The following CSMD3 variants were observed in gnomAD, a reference collection of about 807,000 sequenced individuals.
CSMD3 encodes the protein CUB and sushi domain-containing protein 3.
CSMD3 carries 177 observed loss-of-function variants against 435.2 expected under a neutral mutation model. That is an observed-to-expected ratio of 0.41 (90% CI 0.36 to 0.46). The LOEUF is 0.46. CSMD3 is among the 20% of genes least tolerant of loss of function. The pLI, the probability that CSMD3 is intolerant of heterozygous loss-of-function variation, is 0.34. For missense variants in CSMD3, 4,265 were observed against 4,504.6 expected, an observed-to-expected ratio of 0.95 and a Z score of 1.52; for synonymous variants, 1,656 against 1,520.5, an observed-to-expected ratio of 1.09 and a Z score of -2.07.
chr8:113,001,283 T>TCACG (rs1053771744), intron 6 of CSMD3, among the ~76,000 whole-genome samples: 34 of 152,192 alleles, frequency 2.2e-4, no homozygotes, highest in African/African-American at 8.2e-4. Flanking sequence ...GTCTTCCTTA[T>TCACG]CACGGCCTGA....
At chr8:113,286,326 CAATT>C (rs1205565572) in intron 2 of CSMD3, among the ~76,000 whole-genome samples, 2 of 152,008 alleles carry the variant, frequency 1.3e-5, no homozygotes, top group African/African-American at 4.8e-5. Flanking sequence ...GAGAATTAAA[CAATT>C]AACTTACAAC....
intron 35 of CSMD3, among the ~76,000 whole-genome samples, chr8:112,398,003 C>T (rs138392043): frequency 1.8e-3 from 273 of 152,194 alleles, no homozygotes; most frequent in African/African-American, 5.9e-3. Context: ...AACTCACCTC[C>T]GGCTATGAGT....
At chr8:113,174,921 G>T (rs931713288) in intron 3 of CSMD3, among the ~76,000 whole-genome samples, 16 of 151,848 alleles carry the variant, frequency 1.1e-4, no homozygotes, top group African/African-American at 3.9e-4. Flanking sequence ...TCCATAAGTA[G>T]TTATATCAAG....
At chr8:112,659,914 ATT>A (rs1456008384) in intron 17 of CSMD3, among the ~76,000 whole-genome samples, 3 of 152,162 alleles carry the variant, frequency 2.0e-5, no homozygotes, top group African/African-American at 7.2e-5. Context: ...CTGTAGGTTA[ATT>A]CTAATCATTT....
chr8:112,581,983 C>T (rs1223458908), intron 23 of CSMD3, among the ~76,000 whole-genome samples: 3 of 152,088 alleles, frequency 2.0e-5, no homozygotes, highest in Middle Eastern at 3.4e-3. Context: ...CCTGAGCAAA[C>T]GGCTTGGTGT....
chr8:112,942,698 T>C (rs1239285936), intron 9 of CSMD3, among the ~76,000 whole-genome samples: 1 of 151,592 alleles, frequency 6.6e-6, no homozygotes, highest in Non-Finnish European at 1.5e-5. Context: ...AAACAGTCAC[T>C]GGGGCCTACT....
At chr8:112,556,626 A>G in intron 25 of CSMD3, 137 bp downstream of exon 25, 1 of 654,474 alleles carries the variant, frequency 1.5e-6, no homozygotes, top group South Asian at 2.0e-5. Flanking sequence ...TCTTTTGACA[A>G]ATTCAAGCTA....
chr8:112,952,598 T>A (rs189264649), intron 8 of CSMD3, among the ~76,000 whole-genome samples: 350 of 151,590 alleles, frequency 2.3e-3, no homozygotes, highest in African/African-American at 8.1e-3. Context: ...ATTAAATACT[T>A]TAGAAACAAA....
intron 2 of CSMD3, among the ~76,000 whole-genome samples, chr8:113,291,360 T>C (rs1472875732): frequency 6.6e-6 from 1 of 151,836 alleles, no homozygotes; most frequent in Non-Finnish European, 1.5e-5. Context: ...CATTTAACAT[T>C]TTCATGATAA....
chr8:112,829,281 A>T (rs2079793086), intron 12 of CSMD3, among the ~76,000 whole-genome samples: 1 of 152,244 alleles, frequency 6.6e-6, no homozygotes, highest in African/African-American at 2.4e-5. Flanking sequence ...AAAAATCTAC[A>T]TTTTCAAATG....
chr8:113,075,934 A>C (rs527400096), intron 5 of CSMD3, among the ~76,000 whole-genome samples: 1 of 151,984 alleles, frequency 6.6e-6, no homozygotes, highest in South Asian at 2.1e-4. Context: ...CCACTTAGTC[A>C]AAGATAATTT....
chr8:112,522,641 T>C (rs1824417926), intron 27 of CSMD3, among the ~76,000 whole-genome samples: 1 of 151,970 alleles, frequency 6.6e-6, no homozygotes, highest in African/African-American at 2.4e-5. Context: ...ATTTATAATA[T>C]GATATTATTT....
At chr8:113,404,913 T>C (rs1362179097) in intron 1 of CSMD3, among the ~76,000 whole-genome samples, 1 of 151,484 alleles carries the variant, frequency 6.6e-6, no homozygotes, top group African/African-American at 2.4e-5. Flanking sequence ...ATTATGTATG[T>C]GTTATGTGCA....
At chr8:112,364,058 A>G (rs1169019569) in intron 38 of CSMD3, among the ~76,000 whole-genome samples, 1 of 152,014 alleles carries the variant, frequency 6.6e-6, no homozygotes. Flanking sequence ...TAGTGATTAT[A>G]AAAGTAAACT....
intron 69 of CSMD3, 65 bp from the exon 70 acceptor site, chr8:112,228,956 G>A (rs1812830964): frequency 1.1e-6 from 1 of 888,510 alleles, no homozygotes. Context: ...CTACTCCCAT[G>A]AATCAATTAA....
chr8:112,262,267 C>T (rs1816487684), intron 61 of CSMD3, among the ~76,000 whole-genome samples: 1 of 152,088 alleles, frequency 6.6e-6, no homozygotes, highest in South Asian at 2.1e-4. Context: ...TAATATATCA[C>T]ATATGTATAA....
At chr8:112,898,714 G>A (rs1176170826) in intron 10 of CSMD3, among the ~76,000 whole-genome samples, 1 of 151,120 alleles carries the variant, frequency 6.6e-6, no homozygotes. Context: ...ACACCAACAT[G>A]TATTTTCATA....
At chr8:113,276,803 C>T (rs1234343065) in intron 3 of CSMD3, among the ~76,000 whole-genome samples, 2 of 151,972 alleles carry the variant, frequency 1.3e-5, no homozygotes, top group Admixed American at 6.6e-5. Context: ...GATAACCCAT[C>T]CTTCAGTACT....
intron 4 of CSMD3, among the ~76,000 whole-genome samples, chr8:113,132,668 T>A (rs1203973714): frequency 1.3e-5 from 2 of 152,126 alleles, no homozygotes; most frequent in East Asian, 1.9e-4. Context: ...TTCTTTATAG[T>A]AGTGTGAAAG....
Sources: gnomAD v4.1 joint callset for allele counts (sites outside exome capture counted in the v4.1 genomes callset) on GRCh38, gnomAD v4.1.1 for gene constraint, MANE v1.5 for transcripts, NCBI Gene and HGNC (gene_info 2026-07-23, HGNC 2026-07-21) for gene names.